The following CDH8 variants were observed in gnomAD, a reference collection of about 807,000 sequenced individuals.
CDH8 encodes the protein cadherin 8, also known as cadherin-8.
A neutral mutation model predicts 68.1 loss-of-function variants in CDH8; 17 were observed. The ratio of observed to expected loss-of-function variants is 0.25; its 90% CI spans 0.17 to 0.37. The LOEUF is 0.37. CDH8 is among the 10% of genes least tolerant of loss of function. The pLI is 1.00. For missense variants in CDH8, 763 were observed against 999.3 expected (o/e 0.76, Z 3.19); for synonymous variants, 372 against 365.1 (o/e 1.02, Z -0.21).
At chr16:61,784,735 G>A (rs1285126939) in intron 8 of CDH8, among the ~76,000 whole-genome samples, 31 of 149,642 alleles carry the variant, frequency 2.1e-4, no homozygotes, top group African/African-American at 5.1e-4. Context: ...ATAACAAACT[G>A]TCTCTCAGAC....
intron 2 of CDH8, chr16:61,940,160 T>C (rs756976008): frequency 2.6e-5 from 4 of 152,196 alleles, no homozygotes; most frequent in Non-Finnish European, 5.9e-5. Context: ...AAAAAGAATT[T>C]ATTAAAAATA....
chr16:61,693,564 C>A (rs1161980374), intron 10 of CDH8: 1 of 152,062 alleles, frequency 6.6e-6, no homozygotes, highest in Non-Finnish European at 1.5e-5. Context: ...GATGGCACCT[C>A]ATAGAGGTAT....
At chr16:61,702,728 A>G (rs936381333) in intron 10 of CDH8, among the ~76,000 whole-genome samples, 2 of 152,228 alleles carry the variant, frequency 1.3e-5, no homozygotes, top group Non-Finnish European at 2.9e-5. Context: ...AAAATAAAAT[A>G]AGAACAGTCT....
At chr16:61,852,098 C>T (rs771480850) in intron 4 of CDH8, among the ~76,000 whole-genome samples, 17 of 152,076 alleles carry the variant, frequency 1.1e-4, no homozygotes, top group Admixed American at 2.0e-4. Context: ...TGTATGCAAA[C>T]CCAGTTAGCA....
intron 4 of CDH8, among the ~76,000 whole-genome samples, chr16:61,848,380 G>A (rs1313024369): frequency 2.0e-5 from 3 of 152,028 alleles, no homozygotes; most frequent in Admixed American, 2.0e-4. Context: ...TTTGACTCTA[G>A]CTATGGTCAA....
chr16:61,904,393 A>G (rs1277015913), intron 2 of CDH8, among the ~76,000 whole-genome samples: 1 of 152,130 alleles, frequency 6.6e-6, no homozygotes, highest in African/African-American at 2.4e-5. Flanking sequence ...TATGGCGCCA[A>G]AGATATCCCA....
intron 8 of CDH8, among the ~76,000 whole-genome samples, chr16:61,768,388 C>CCCTT (rs1960682119): frequency 3.5e-5 from 3 of 84,686 alleles, no homozygotes; most frequent in African/African-American, 5.5e-5. Flanking sequence ...CTCTCTCTCT[C>CCCTT]TCTCTCCCTT....
chr16:61,956,158 C>T (rs1434509571), intron 2 of CDH8, among the ~76,000 whole-genome samples: 1 of 152,104 alleles, frequency 6.6e-6, no homozygotes, highest in African/African-American at 2.4e-5. Context: ...ACCCTGTAAA[C>T]TAGTTGTCAA....
chr16:62,027,324 C>T (rs942642515), intron 1 of CDH8, among the ~76,000 whole-genome samples: 1 of 152,170 alleles, frequency 6.6e-6, no homozygotes, highest in African/African-American at 2.4e-5. Context: ...AGTCAAGTCA[C>T]GGATATATAA....
intron 2 of CDH8, among the ~76,000 whole-genome samples, chr16:61,985,918 C>CT (rs71134380): frequency 0.011 from 1,045 of 91,102 alleles, 31 homozygotes; most frequent in African/African-American, 0.026. Context: ...CCTTTCTTTA[C>CT]TTTTTTTTTT....
In CDH8 at chr16:61,768,395, CCTTT is replaced by C. The variant is rs1567461346; in HGVS notation, c.1414+20947_1414+20950del. On this transcript the variant is annotated intron_variant, in intron 8 of 11. Transcript: ENST00000577390. ...CTTTCTCTCTCTCTCTCTCTCTCTC[CCTTT>C]CTCTCTCTCTCTCTCTCTCTCTCTC... 1.1e-3 allele frequency among the ~76,000 whole-genome samples: 25 copies of C among 23,434 alleles called. 1 individual carries two copies. The highest frequency in any genetic ancestry group is 2.0e-3 in the East Asian group (1 of 502). 15.4% of individuals were successfully genotyped at this position (23,434 alleles called of 152,430 possible). A position where few individuals can be genotyped will look rare whatever the true frequency, so the allele number is the denominator to read the frequency against.
intron 2 of CDH8, among the ~76,000 whole-genome samples, chr16:62,012,202 AG>A (rs1901830763): frequency 6.6e-6 from 1 of 152,242 alleles, no homozygotes; most frequent in Non-Finnish European, 1.5e-5. Flanking sequence ...TAACTTTTCT[AG>A]GTCATTCCTA....
intron 8 of CDH8, among the ~76,000 whole-genome samples, chr16:61,742,501 T>C (rs1959903007): frequency 1.3e-5 from 2 of 152,170 alleles, no homozygotes; most frequent in South Asian, 4.1e-4. Context: ...CTATGTTTTA[T>C]CAAATTAAGT....
intron 3 of CDH8, among the ~76,000 whole-genome samples, chr16:61,886,513 C>T (rs1479756867): frequency 6.6e-6 from 1 of 152,104 alleles, no homozygotes; most frequent in Non-Finnish European, 1.5e-5. Flanking sequence ...TACATCTCTC[C>T]ATTTTATTGA....
chr16:61,681,749 A>T (rs1567418898), intron 10 of CDH8, among the ~76,000 whole-genome samples: 2 of 151,948 alleles, frequency 1.3e-5, no homozygotes, highest in Non-Finnish European at 2.9e-5. Flanking sequence ...TAGCATTCAC[A>T]TAGGAAAGCA....
chr16:61,819,715 G>A (rs998968282), intron 6 of CDH8, among the ~76,000 whole-genome samples: 2 of 152,012 alleles, frequency 1.3e-5, no homozygotes, highest in African/African-American at 4.8e-5. Flanking sequence ...CAAGACCATT[G>A]GAAATATGTC....
intron 8 of CDH8, among the ~76,000 whole-genome samples, chr16:61,760,532 C>T (rs894219470): frequency 3.3e-5 from 5 of 151,780 alleles, no homozygotes; most frequent in Non-Finnish European, 5.9e-5. Flanking sequence ...AGGCTGGTCT[C>T]GAGCCCGTGA....
intron 10 of CDH8, among the ~76,000 whole-genome samples, chr16:61,676,768 A>G (rs2142790607): frequency 6.6e-6 from 1 of 152,092 alleles, no homozygotes; most frequent in East Asian, 1.9e-4. Flanking sequence ...GCCTGTATTC[A>G]TTGACATTGT....
chr16:61,739,119 T>C (rs750569294), intron 8 of CDH8, among the ~76,000 whole-genome samples: 59 of 152,182 alleles, frequency 3.9e-4, no homozygotes, highest in Non-Finnish European at 6.8e-4. Context: ...ATATGTCAAT[T>C]ACTAAATCCT....
Sources: gnomAD v4.1 joint callset for allele counts (sites outside exome capture counted in the v4.1 genomes callset) on GRCh38, gnomAD v4.1.1 for gene constraint, MANE v1.5 for transcripts, NCBI Gene and HGNC (gene_info 2026-07-23, HGNC 2026-07-21) for gene names.